CNTNAP3: variants seen among roughly 807,000 people sequenced by gnomAD.
The protein encoded by CNTNAP3 is contactin associated protein family member 3, also known as contactin-associated protein-like 3.
CNTNAP3 carries 36 observed loss-of-function variants against 92.1 expected under a neutral mutation model. The observed-to-expected ratio is 0.39, with a 90% CI of 0.30 to 0.52. CNTNAP3 has a LOEUF of 0.52. CNTNAP3 is among the 20% of genes least tolerant of loss of function. The pLI is 0.76. For missense variants in CNTNAP3, 534 were observed against 1,069.6 expected, an observed-to-expected ratio of 0.50 and a Z score of 6.98; for synonymous variants, 232 against 422.3, an observed-to-expected ratio of 0.55 and a Z score of 5.53.
intron 23 of CNTNAP3, among the ~76,000 whole-genome samples, chr9:39,075,163 C>T (rs1210844196): frequency 6.6e-6 from 1 of 151,544 alleles, no homozygotes; most frequent in East Asian, 1.9e-4. Context: ...TTTTTTTTAC[C>T]TGGAATGTGG....
rs116958574 is a variant in CNTNAP3, at chr9:39,107,904, A to T, written c.2365+1256T>A. Among the ~76,000 whole-genome samples, 117 of 152,312 alleles carry T rather than the reference A, an allele frequency of 7.7e-4. No homozygotes were observed. In the East Asian group the frequency reaches 0.02, roughly 26 times the overall value. Reference sequence around the variant, plus strand: ...CATTTTAGAAAAAATTAACAGAATAATTAATGCCAAGGCATATTCTGGATA... The same window carrying T: ...CATTTTAGAAAAAATTAACAGAATATTTAATGCCAAGGCATATTCTGGATA... On this transcript the variant is annotated intron_variant, in intron 15 of 23. Coordinates refer to ENST00000297668, the MANE Select transcript of CNTNAP3 (RefSeq NM_033655.5).
chr9:39,108,565 T>G (rs538527994), intron 15 of CNTNAP3, among the ~76,000 whole-genome samples: 1 of 152,240 alleles, frequency 6.6e-6, no homozygotes, highest in Non-Finnish European at 1.5e-5. Context: ...ACTATTAAAA[T>G]TTTTCTCAGG....
intron 23 of CNTNAP3, among the ~76,000 whole-genome samples, chr9:39,074,725 G>C (rs573284666): frequency 6.6e-6 from 1 of 152,152 alleles, no homozygotes; most frequent in Non-Finnish European, 1.5e-5. Flanking sequence ...CAATGAAATG[G>C]ATACATTTTA....
chr9:39,136,473 G>C (rs7046086), intron 12 of CNTNAP3, among the ~76,000 whole-genome samples: 30,240 of 151,986 alleles, frequency 0.2, 4,786 homozygotes, highest in African/African-American at 0.44. Flanking sequence ...GTTTTGTTTT[G>C]TTTTGTTTTC....
At chr9:39,147,191 CT>C (rs200461892) in intron 10 of CNTNAP3, among the ~76,000 whole-genome samples, 13,981 of 151,992 alleles carry the variant, frequency 0.092, 704 homozygotes, top group African/African-American at 0.14. Flanking sequence ...TCCATTAAGC[CT>C]TTTTTCTTTA....
intron 14 of CNTNAP3, among the ~76,000 whole-genome samples, chr9:39,110,926 T>A (rs1051714370): frequency 6.6e-6 from 1 of 152,190 alleles, no homozygotes; most frequent in Non-Finnish European, 1.5e-5. Context: ...CTGTATTTTT[T>A]AAATTGCCCA....
chr9:39,106,281 TCATTA>T (rs1826605112), intron 15 of CNTNAP3, among the ~76,000 whole-genome samples: 1 of 152,192 alleles, frequency 6.6e-6, no homozygotes, highest in South Asian at 2.1e-4. Flanking sequence ...CTTTCTTTCT[TCATTA>T]ATCAATTTAT....
intron 18 of CNTNAP3, among the ~76,000 whole-genome samples, chr9:39,092,375 G>A (rs1394812521): frequency 7.3e-6 from 1 of 137,460 alleles, no homozygotes; most frequent in Non-Finnish European, 1.6e-5. Flanking sequence ...TTTGAATATT[G>A]ATGTTTACAG....
At chr9:39,094,726 C>T (rs958209324) in intron 18 of CNTNAP3, among the ~76,000 whole-genome samples, 1 of 151,656 alleles carries the variant, frequency 6.6e-6, no homozygotes, top group Non-Finnish European at 1.5e-5. Flanking sequence ...CATTCAGTGC[C>T]ACATTGTTTT....
chr9:39,094,645 CAATT>C (rs758901322), intron 18 of CNTNAP3, among the ~76,000 whole-genome samples: 1 of 151,520 alleles, frequency 6.6e-6, no homozygotes, highest in Non-Finnish European at 1.5e-5. Flanking sequence ...TGTTAAACAT[CAATT>C]GACTGTATGT....
At position 39,120,085 on chromosome 9, in the gene CNTNAP3, G is replaced by C. The variant is rs2150949; in HGVS notation, c.2081-1826C>G. Among the ~76,000 whole-genome samples, 464 of 152,258 alleles carry C rather than the reference G, an allele frequency of 3.0e-3. 4 individuals are homozygous for C. Among genetic ancestry groups the C allele is most frequent in the African/African-American group, 0.011 (449 of 41,534 alleles). On this transcript the variant is annotated intron_variant, in intron 13 of 23. Transcript: ENST00000297668. ...ACATGTGGTGAAAGACACAAACCCAGAGATTTAGGAAGTAAAGTTTAAGTC... is the reference window on the plus strand; with the variant it reads ...ACATGTGGTGAAAGACACAAACCCACAGATTTAGGAAGTAAAGTTTAAGTC...
At chr9:39,077,206 T>A (rs185565416) in intron 23 of CNTNAP3, among the ~76,000 whole-genome samples, 2 of 152,306 alleles carry the variant, frequency 1.3e-5, no homozygotes, top group Admixed American at 1.3e-4. Context: ...TGCACAACAT[T>A]GTAAATGTCC....
At chr9:39,110,908 A>C (rs1318119571) in intron 14 of CNTNAP3, among the ~76,000 whole-genome samples, 5 of 152,202 alleles carry the variant, frequency 3.3e-5, no homozygotes, top group Non-Finnish European at 7.3e-5. Flanking sequence ...CACAGTATCT[A>C]GTAAATACTG....
chr9:39,084,314 T>C (rs1826019608), intron 21 of CNTNAP3, among the ~76,000 whole-genome samples: 1 of 148,322 alleles, frequency 6.7e-6, no homozygotes, highest in Non-Finnish European at 1.5e-5. Context: ...TGCCTCAGCC[T>C]CCCGAGTAGC....
At position 39,151,727 on chromosome 9, in the gene CNTNAP3, G is replaced by T. The variant is rs182228113; in HGVS notation, c.1478-1750C>A. On this transcript the variant is annotated intron_variant, in intron 9 of 23. Coordinates refer to ENST00000297668, the MANE Select transcript of CNTNAP3 (RefSeq NM_033655.5). ...TAATGGTGTAATGCCAATGACAAGA[G>T]AAATTGAATAACTAAATTGTATATT... 4.4e-3 allele frequency among the ~76,000 whole-genome samples: 654 copies of T among 148,006 alleles called. 39 individuals are homozygous for T. Among genetic ancestry groups the T allele is most frequent in the Non-Finnish European group, 7.9e-3 (530 of 66,910 alleles).
intron 13 of CNTNAP3, among the ~76,000 whole-genome samples, chr9:39,119,409 G>A (rs1350094864): frequency 6.8e-6 from 1 of 148,044 alleles, no homozygotes; most frequent in Non-Finnish European, 1.5e-5. Context: ...ATTAGTACCA[G>A]GAATCTTTTA....
Position 39,067,478 on chromosome 9 carries a change from A to G in CNTNAP3, c.*6412T>C, listed in dbSNP as rs1236312628. 3.9e-5 allele frequency among the ~76,000 whole-genome samples: 6 copies of G among 152,302 alleles called. No homozygotes were observed. The highest frequency in any genetic ancestry group is 1.4e-4 in the African/African-American group (6 of 41,482). ...AATGGCGCAATCTCGGCCCACTGCA[A>G]ACTCTGCCTCCCGGGTTCATGCCAT... is the stretch of plus-strand genomic sequence containing the variant. On this transcript the variant is annotated 3_prime_UTR_variant, in exon 24 of 24. Coordinates refer to ENST00000297668, the MANE Select transcript of CNTNAP3 (RefSeq NM_033655.5).
At chr9:39,105,104 C>T (rs1302744201) in intron 15 of CNTNAP3, among the ~76,000 whole-genome samples, 1 of 152,148 alleles carries the variant, frequency 6.6e-6, no homozygotes, top group Admixed American at 6.5e-5. Flanking sequence ...ATTCCTTCCA[C>T]ATTAATTGGT....
At chr9:39,133,492 C>G (rs1457875589) in intron 12 of CNTNAP3, among the ~76,000 whole-genome samples, 5 of 151,274 alleles carry the variant, frequency 3.3e-5, no homozygotes, top group African/African-American at 1.2e-4. Context: ...GCATTTTCCT[C>G]ATCTGTATGT....
Sources: gnomAD v4.1 joint callset for allele counts (sites outside exome capture counted in the v4.1 genomes callset) on GRCh38, gnomAD v4.1.1 for gene constraint, MANE v1.5 for transcripts, NCBI Gene and HGNC (gene_info 2026-07-23, HGNC 2026-07-21) for gene names.